The following DNAH3 variants were observed in gnomAD, a reference collection of about 807,000 sequenced individuals.
DNAH3 encodes the protein dynein axonemal heavy chain 3, also known as axonemal beta dynein heavy chain 3.
Under a neutral mutation model 432.5 loss-of-function variants are expected in DNAH3, and 332 were observed. That is an observed-to-expected ratio of 0.77 (90% confidence interval 0.70 to 0.84). DNAH3 has a LOEUF of 0.84. DNAH3 is among the 40% of genes least tolerant of loss of function. The pLI, the probability that DNAH3 is intolerant of heterozygous loss-of-function variation, is 0.00. For missense variants in DNAH3, 4,861 were observed against 5,114.0 expected, an observed-to-expected ratio of 0.95 and a Z score of 1.51; for synonymous variants, 1,956 against 1,900.2, an observed-to-expected ratio of 1.03 and a Z score of -0.76.
At chr16:21,017,384 G>A (rs1332603277) in intron 41 of DNAH3, among the ~76,000 whole-genome samples, 1 of 152,094 alleles carries the variant, frequency 6.6e-6, no homozygotes, top group African/African-American at 2.4e-5. Flanking sequence ...TTCTATTAAA[G>A]TCACCCCTCT....
chr16:21,062,949 A>G, intron 24 of DNAH3: 1 of 388,646 alleles, frequency 2.6e-6, no homozygotes, highest in Non-Finnish European at 4.6e-6. Context: ...CAGCCTCCTG[A>G]GTAGCTGGGA....
intron 52 of DNAH3, among the ~76,000 whole-genome samples, chr16:20,966,979 T>G (rs2085093080): frequency 6.6e-6 from 1 of 152,220 alleles, no homozygotes; most frequent in Non-Finnish European, 1.5e-5. Flanking sequence ...CCCGGAACAA[T>G]GCTCCTTCTG....
At position 21,031,111 on chromosome 16, in the gene DNAH3, T is replaced by C. The variant is rs1006672354; in HGVS notation, c.5373A>G (p.Ile1791Met). Residue 1791 changes from isoleucine to methionine, a missense_variant, in exon 37 of 62, where the codon ATA becomes ATG. By Grantham distance (10) the Ile-to-Met change is conservative. Coordinates refer to ENST00000261383, the Ensembl canonical transcript of DNAH3. ...AAATAGCATCCACTGGCCCATCAAA[T>C]ATAATCCACTTGCGATCATCAGAGA... The C allele has an allele frequency of 4.3e-6, 7 of 1,614,042 alleles. No individual in the cohort carries two copies. The African/African-American group carries it at 9.3e-5, about 22-fold the overall frequency.
chr16:21,158,071 AG>A (rs978600771), intron 1 of DNAH3, among the ~76,000 whole-genome samples: 8 of 152,234 alleles, frequency 5.3e-5, no homozygotes, highest in Non-Finnish European at 1.0e-4. Context: ...ATTTGGGGCC[AG>A]GGGAAACAGG....
chr16:21,099,048 T>C (rs926616232), intron 16 of DNAH3, among the ~76,000 whole-genome samples: 2 of 152,222 alleles, frequency 1.3e-5, no homozygotes, highest in Admixed American at 1.3e-4. Flanking sequence ...TACAGGTAAA[T>C]ACGTATAAGA....
chr16:21,032,125 A>G lies in DNAH3; in HGVS notation c.5198-839T>C, dbSNP rs16970819. Among the ~76,000 whole-genome samples, 1,517 of 152,164 alleles carry G rather than the reference A, an allele frequency of 1.0e-2. 25 individuals carry two copies. The highest frequency in any genetic ancestry group is 0.035 in the African/African-American group (1,445 of 41,512). On this transcript the variant is annotated intron_variant, in intron 36 of 61. Coordinates refer to ENST00000261383, the Ensembl canonical transcript of DNAH3. ...GAGTGACGCCTATTATCAGCCCTCT[A>G]TGTACCTGCTCTCACAGCCACCCTA... is the stretch of plus-strand genomic sequence containing the variant.
chr16:21,051,030 G>C (rs2089932793), intron 29 of DNAH3, among the ~76,000 whole-genome samples: 1 of 151,988 alleles, frequency 6.6e-6, no homozygotes, highest in Non-Finnish European at 1.5e-5. Context: ...ATAATAAGTG[G>C]AATAAATAAA....
At chr16:20,967,000 G>T (rs1244547767) in intron 52 of DNAH3, among the ~76,000 whole-genome samples, 1 of 152,140 alleles carries the variant, frequency 6.6e-6, no homozygotes, top group Non-Finnish European at 1.5e-5. Context: ...TTGACACATT[G>T]GAAAAAATTT....
chr16:20,961,716 T>C (rs2084829421), intron 53 of DNAH3, among the ~76,000 whole-genome samples: 1 of 151,282 alleles, frequency 6.6e-6, no homozygotes, highest in East Asian at 1.9e-4. Flanking sequence ...AACAGCTTGA[T>C]TTCAAACTTT....
intron 14 of DNAH3, among the ~76,000 whole-genome samples, chr16:21,108,119 G>A (rs1192060796): frequency 6.6e-6 from 1 of 152,020 alleles, no homozygotes; most frequent in East Asian, 1.9e-4. Context: ...TGATCCACCC[G>A]CCTCGGCCTC....
intron 57 of DNAH3, among the ~76,000 whole-genome samples, chr16:20,947,347 T>C (rs201115877): frequency 1.3e-5 from 2 of 152,224 alleles, no homozygotes; most frequent in East Asian, 1.9e-4. Context: ...CTATATCTTT[T>C]GTAATATTCC....
At chr16:21,034,139 T>C in intron 35 of DNAH3, 54 bp from the exon 36 acceptor site, 1 of 1,209,916 alleles carries the variant, frequency 8.3e-7, no homozygotes, top group Non-Finnish European at 1.2e-6. Context: ...GCTCCCCCAT[T>C]GTGAGTTAGT....
At chr16:21,099,641 C>A (rs1166193423) in intron 16 of DNAH3, among the ~76,000 whole-genome samples, 1 of 152,150 alleles carries the variant, frequency 6.6e-6, no homozygotes, top group Non-Finnish European at 1.5e-5. Flanking sequence ...CACTTAAACT[C>A]TCTGTGCCTC....
intron 44 of DNAH3, among the ~76,000 whole-genome samples, chr16:20,988,777 C>T (rs2086360112): frequency 6.6e-6 from 1 of 152,224 alleles, no homozygotes. Flanking sequence ...AGTGTTACAG[C>T]TCTTAAGGTG....
exon 49 of DNAH3, chr16:20,982,750 A>G (rs766817261): frequency 5.6e-6 from 9 of 1,614,028 alleles, no homozygotes; most frequent in African/African-American, 4.0e-5. Flanking sequence ...CAAGCTCCAC[A>G]TCCTCTAGAA....
At position 21,141,281 on chromosome 16, in the gene DNAH3, G is replaced by A. The variant is rs773350078; in HGVS notation, c.521+19C>T. 7 of 1,562,452 alleles carry A rather than the reference G, an allele frequency of 4.5e-6. No individual in the cohort carries two copies. The Admixed American group carries it at 1.1e-4, about 25-fold the overall frequency. ...AGCCCACCGTCCTGCCTTCTCTGGT[G>A]CCCACAGTGATATCTTACCTAGTGG... On this transcript the variant is annotated intron_variant, in intron 4 of 61. Coordinates refer to ENST00000261383, the Ensembl canonical transcript of DNAH3.
At chr16:20,941,255 G>T in intron 59 of DNAH3, 146 bp downstream of exon 59, 2 of 840,712 alleles carry the variant, frequency 2.4e-6, no homozygotes, top group Non-Finnish European at 3.8e-6. Flanking sequence ...GCTGGGGATG[G>T]TCCTATTCAC....
chr16:21,126,643 C>A (rs1322502018), intron 8 of DNAH3, among the ~76,000 whole-genome samples: 2 of 152,176 alleles, frequency 1.3e-5, no homozygotes, highest in Admixed American at 1.3e-4. Context: ...GGTCCCCAAC[C>A]CCTGGGCCAT....
chr16:21,072,402 C>T (rs988771667), intron 21 of DNAH3, among the ~76,000 whole-genome samples: 2 of 152,174 alleles, frequency 1.3e-5, no homozygotes, highest in African/African-American at 2.4e-5. Context: ...TCTCAGCTCA[C>T]TGCAACCTCT....
Sources: gnomAD v4.1 joint callset for allele counts (sites outside exome capture counted in the v4.1 genomes callset) on GRCh38, gnomAD v4.1.1 for gene constraint, MANE v1.5 for transcripts, NCBI Gene and HGNC (gene_info 2026-07-23, HGNC 2026-07-21) for gene names.